The following SUCLG2 variants were observed in gnomAD, a reference collection of about 807,000 sequenced individuals.
The protein encoded by SUCLG2 is succinate--CoA ligase [GDP-forming] subunit beta, mitochondrial.
SUCLG2 carries 42 observed loss-of-function variants against 47.9 expected under a neutral mutation model. The observed-to-expected ratio is 0.88, with a 90% CI of 0.69 to 1.14. The LOEUF is 1.14. SUCLG2 is among the 50% of genes most tolerant of loss of function. The pLI is 0.00. For missense variants in SUCLG2, 571 were observed against 525.9 expected, an observed-to-expected ratio of 1.09 and a Z score of -0.84; for synonymous variants, 195 against 197.3, an observed-to-expected ratio of 0.99 and a Z score of 0.10.
chr3:67,488,166 A>G (rs1176486607), intron 9 of SUCLG2, among the ~76,000 whole-genome samples: 2 of 152,060 alleles, frequency 1.3e-5, no homozygotes, highest in African/African-American at 4.8e-5. Context: ...AATCTATTTT[A>G]TAATTTTCTC....
At chr3:67,604,296 T>G (rs1439002574) in intron 2 of SUCLG2, among the ~76,000 whole-genome samples, 1 of 152,240 alleles carries the variant, frequency 6.6e-6, no homozygotes, top group Non-Finnish European at 1.5e-5. Flanking sequence ...AGTTTCTATA[T>G]ATTGCACCTT....
intron 9 of SUCLG2, among the ~76,000 whole-genome samples, chr3:67,417,021 G>C (rs1156918064): frequency 6.6e-6 from 1 of 151,910 alleles, no homozygotes; most frequent in African/African-American, 2.4e-5. Flanking sequence ...AGAAAAAAAA[G>C]ATGAAGAAAG....
intron 1 of SUCLG2, among the ~76,000 whole-genome samples, chr3:67,629,884 T>C (rs778623905): frequency 7.2e-5 from 11 of 152,072 alleles, no homozygotes; most frequent in Non-Finnish European, 1.0e-4. Context: ...CATGACCAAA[T>C]ATATATATAT....
chr3:67,409,584 A>C (rs1702889945), intron 9 of SUCLG2, among the ~76,000 whole-genome samples: 1 of 152,086 alleles, frequency 6.6e-6, no homozygotes, highest in African/African-American at 2.4e-5. Context: ...TTGTTTCCCT[A>C]ACTTTGGAGT....
chr3:67,563,817 T>C (rs1288349464), intron 2 of SUCLG2, among the ~76,000 whole-genome samples: 2 of 151,612 alleles, frequency 1.3e-5, no homozygotes, highest in Non-Finnish European at 2.9e-5. Flanking sequence ...AAAAATTAGC[T>C]GGGAGTGATG....
At chr3:67,587,661 A>G (rs1708058921) in intron 2 of SUCLG2, among the ~76,000 whole-genome samples, 1 of 152,190 alleles carries the variant, frequency 6.6e-6, no homozygotes, top group Non-Finnish European at 1.5e-5. Context: ...CAAAAATAAC[A>G]TGAGATTGTA....
In SUCLG2 at chr3:67,552,194, A is replaced by G. The variant is rs1575772803; in HGVS notation, c.227-23008T>C. ...TCTCAAAAAAAAAAAAAAAAAAAAG[A>G]AAAAAGAAAAAATGGGGAAAACACA... On this transcript the variant is annotated intron_variant, in intron 2 of 10. Transcript: ENST00000307227. Among the ~76,000 whole-genome samples, 3 of 148,714 alleles carry G rather than the reference A, an allele frequency of 2.0e-5. No homozygotes were observed. The South Asian group carries it at 6.4e-4, about 32-fold the overall frequency.
chr3:67,564,316 C>G (rs1239899047), intron 2 of SUCLG2, among the ~76,000 whole-genome samples: 1 of 152,088 alleles, frequency 6.6e-6, no homozygotes, highest in Non-Finnish European at 1.5e-5. Flanking sequence ...AGCTTTCCCC[C>G]CTCCCCTCGC....
chr3:67,559,364 G>A (rs1054804971), intron 2 of SUCLG2, among the ~76,000 whole-genome samples: 2 of 152,184 alleles, frequency 1.3e-5, no homozygotes, highest in Admixed American at 6.5e-5. Flanking sequence ...CATGGCTGGG[G>A]AGGTCTCAGG....
intron 1 of SUCLG2, among the ~76,000 whole-genome samples, chr3:67,614,088 A>C (rs1415153952): frequency 6.6e-6 from 1 of 152,126 alleles, no homozygotes; most frequent in East Asian, 1.9e-4. Flanking sequence ...ATGACCCTAA[A>C]AATAACATCT....
intron 9 of SUCLG2, among the ~76,000 whole-genome samples, chr3:67,455,410 GTTT>G (rs1002843571): frequency 1.3e-5 from 2 of 152,090 alleles, no homozygotes; most frequent in African/African-American, 4.8e-5. Context: ...CATCTTTCAT[GTTT>G]GCCTAACCAA....
chr3:67,366,345 A>G (rs1003250302), intron 10 of SUCLG2, among the ~76,000 whole-genome samples: 1 of 152,142 alleles, frequency 6.6e-6, no homozygotes. Flanking sequence ...CTCCATCTCA[A>G]AAAACAAAAC....
chr3:67,480,071 A>G (rs533209738), intron 9 of SUCLG2, among the ~76,000 whole-genome samples: 8 of 152,216 alleles, frequency 5.3e-5, no homozygotes, highest in African/African-American at 9.6e-5. Context: ...GGAAATAAAA[A>G]TAAGTGTTAA....
intron 9 of SUCLG2, among the ~76,000 whole-genome samples, chr3:67,475,503 A>G (rs913310352): frequency 2.6e-5 from 4 of 152,180 alleles, no homozygotes; most frequent in African/African-American, 9.7e-5. Flanking sequence ...AACATTTCCA[A>G]AGAGATCCTG....
intron 6 of SUCLG2, among the ~76,000 whole-genome samples, chr3:67,517,494 G>C (rs548613633): frequency 4.3e-4 from 66 of 152,232 alleles, no homozygotes; most frequent in African/African-American, 1.4e-3. Context: ...GAAGGAACAA[G>C]TAAGTTTATC....
At chr3:67,614,424 G>T (rs1575817706) in intron 1 of SUCLG2, among the ~76,000 whole-genome samples, 1 of 151,542 alleles carries the variant, frequency 6.6e-6, no homozygotes, top group South Asian at 2.1e-4. Context: ...ACTTCTGCTT[G>T]TAACAGCTAG....
At chr3:67,501,868 T>C (rs940371030) in intron 7 of SUCLG2, among the ~76,000 whole-genome samples, 2 of 152,178 alleles carry the variant, frequency 1.3e-5, no homozygotes, top group African/African-American at 4.8e-5. Flanking sequence ...TTCATCTGGC[T>C]ATTCCTTTGT....
intron 10 of SUCLG2, among the ~76,000 whole-genome samples, chr3:67,399,753 G>T (rs1478282448): frequency 2.6e-5 from 4 of 151,940 alleles, no homozygotes; most frequent in African/African-American, 4.8e-5. Flanking sequence ...CAGACCAATG[G>T]GTTTTAATGG....
At chr3:67,560,066 T>C (rs115893858) in intron 2 of SUCLG2, among the ~76,000 whole-genome samples, 1,604 of 152,274 alleles carry the variant, frequency 0.011, 20 homozygotes, top group East Asian at 0.05. Context: ...TATATCTATA[T>C]AATGGCTACA....
Sources: allele counts gnomAD v4.1 joint callset (sites outside exome capture counted in the v4.1 genomes callset), GRCh38; gene constraint gnomAD v4.1.1; transcripts MANE v1.5; gene names NCBI Gene and HGNC (gene_info 2026-07-23, HGNC 2026-07-21).